Variants in SFTPB observed in about 807,000 individuals in gnomAD.
The protein encoded by SFTPB is surfactant protein B.
A neutral mutation model predicts 51.0 loss-of-function variants in SFTPB; 32 were observed. That is an observed-to-expected ratio of 0.63 (90% confidence interval 0.47 to 0.84). SFTPB has a LOEUF of 0.84. Ranked by LOEUF, SFTPB falls within the 40% of genes least tolerant of loss-of-function variation. SFTPB has a pLI of 0.00. For missense variants in SFTPB, 431 were observed against 491.2 expected (o/e 0.88, Z 1.16); for synonymous variants, 211 against 208.5 (o/e 1.01, Z -0.10).
At chr2:85,664,928 T>C (rs1448193660) in intron 6 of SFTPB, among the ~76,000 whole-genome samples, 1 of 152,238 alleles carries the variant, frequency 6.6e-6, no homozygotes, top group Non-Finnish European at 1.5e-5. Context: ...AATTCCCCTC[T>C]TGAAAGATCA....
intron 10 of SFTPB, among the ~76,000 whole-genome samples, chr2:85,660,725 G>T (rs1677252307): frequency 1.3e-5 from 2 of 152,206 alleles, no homozygotes; most frequent in Non-Finnish European, 2.9e-5. Flanking sequence ...AAAGTGCTGG[G>T]ATTACCGGCG....
chr2:85,663,554 G>C, intron 7 of SFTPB, 63 bp from the exon 8 acceptor site: 1 of 1,602,194 alleles, frequency 6.2e-7, no homozygotes, highest in South Asian at 1.1e-5. Flanking sequence ...TTTGGTTTCT[G>C]TCCTCCTTGG....
rs1164710687 is a variant in SFTPB at position 85,657,460 on chromosome 2, C to G, written c.*2242G>C. 6.6e-6 allele frequency: 1 copy of G among 152,132 alleles called. No homozygotes were observed. Among genetic ancestry groups the G allele is most frequent in the Non-Finnish European group, 1.5e-5 (1 of 68,026 alleles). The allele number at this position is 152,132 out of a possible 1,614,324, so 9.4% of individuals were successfully genotyped here. The stretch of plus-strand genomic sequence containing the variant: ...AAATGTCTACTTAAAATCCAGGAGC[C>G]AATGAATTGTGTGTCTCATCCCCAG... On this transcript the variant is annotated 3_prime_UTR_variant, in exon 11 of 11. Transcript: ENST00000519937.
rs780787602 is a variant in SFTPB, at chr2:85,663,464, C to T, written c.884G>A (p.Arg295Gln). The T allele has an allele frequency of 1.4e-5, 23 of 1,613,742 alleles. No homozygotes were observed. The highest frequency in any genetic ancestry group is 2.7e-5 in the African/African-American group (2 of 74,900). Residue 295 changes from arginine (R) to glutamine (Q), a missense_variant, in exon 8 of 11, where the codon CGA becomes CAA. Arg to Gln is a conservative substitution (Grantham distance 43). Coordinates refer to ENST00000519937, the MANE Select transcript of SFTPB (RefSeq NM_000542.5). Reference protein sequence around the residue: ...PRSPTGEWLPRDSECHLCMSV... With the variant: ...PRSPTGEWLPQDSECHLCMSV... ...CATGCAGAGGTGGCACTCAGAGTCT[C>T]GCGGCAGCCATTCTCCTGTCGGCGA...
chr2:85,666,376 C>T (rs115238339), intron 4 of SFTPB, among the ~76,000 whole-genome samples: 1,071 of 100,332 alleles, frequency 0.011, 15 homozygotes, highest in African/African-American at 0.043. Flanking sequence ...TGTGTGTGTC[C>T]GGCCAGCTGG....
intron 2 of SFTPB, 61 bp from the exon 3 acceptor site, chr2:85,667,238 TG>T: frequency 1.6e-6 from 2 of 1,280,772 alleles, no homozygotes; most frequent in South Asian, 2.4e-5. Context: ...CCAGCTCCAA[TG>T]GGGAGGTTCT....
At position 85,663,731 on chromosome 2, in the gene SFTPB, G is replaced by A; in HGVS notation, c.789C>T (p.Gly263=). The A allele has an allele frequency of 1.2e-6, 2 of 1,611,382 alleles. No individual in the cohort carries two copies. The highest frequency in any genetic ancestry group is 1.7e-6 in the Non-Finnish European group (2 of 1,179,120). ...GGCAGACCAGCTGGGGCAGCATGCGGCCCAGCAGCGTGTCGAGCAGGATGA... is the reference window on the plus strand; with the variant it reads ...GGCAGACCAGCTGGGGCAGCATGCGACCCAGCAGCGTGTCGAGCAGGATGA... ...YSVILLDTLL[G]RMLPQLVCRL... is the part of the protein sequence containing the mutation. The change falls in exon 7 of 11, where the codon GGC becomes GGT. Residue 263 remains glycine (G), a synonymous_variant. Coordinates refer to ENST00000519937, the MANE Select transcript of SFTPB (RefSeq NM_000542.5).
intron 6 of SFTPB, among the ~76,000 whole-genome samples, chr2:85,664,798 C>T (rs1677490108): frequency 6.6e-6 from 1 of 152,230 alleles, no homozygotes; most frequent in Non-Finnish European, 1.5e-5. Flanking sequence ...GGCCTTTCCT[C>T]ATTTGGGCCC....
At chr2:85,662,311 G>A in intron 8 of SFTPB, 1 of 1,433,690 alleles carries the variant, frequency 7.0e-7, no homozygotes, top group Non-Finnish European at 9.2e-7. Flanking sequence ...AGAAAAGCAG[G>A]CGACACTGGA....
intron 10 of SFTPB, among the ~76,000 whole-genome samples, chr2:85,660,530 A>T (rs758798807): frequency 5.5e-5 from 8 of 146,174 alleles, no homozygotes; most frequent in Non-Finnish European, 1.0e-4. Context: ...GCACACCGCA[A>T]CCTTCGCCTC....
chr2:85,662,611 C>T (rs997731894), intron 8 of SFTPB, among the ~76,000 whole-genome samples: 4 of 152,068 alleles, frequency 2.6e-5, no homozygotes, highest in Non-Finnish European at 5.9e-5. Flanking sequence ...GAGGCCAAGG[C>T]GGGCAGATCA....
At position 85,658,161 on chromosome 2, in the gene SFTPB, C is replaced by T. The variant is rs1488425360; in HGVS notation, c.*1541G>A. On this transcript the variant is annotated 3_prime_UTR_variant, in exon 11 of 11. Coordinates refer to ENST00000519937, the MANE Select transcript of SFTPB (RefSeq NM_000542.5). Reference sequence around the variant, plus strand: ...GAGGCCTGACAGTGGGTAATTTCCACTCTCTTTGTCTGTAGTTTCTGAATT... The same window carrying T: ...GAGGCCTGACAGTGGGTAATTTCCATTCTCTTTGTCTGTAGTTTCTGAATT... 3 of 152,544 alleles carry T rather than the reference C, an allele frequency of 2.0e-5. No homozygotes were observed. Among genetic ancestry groups the T allele is most frequent in the African/African-American group, 4.8e-5 (2 of 41,462 alleles). 9.4% of individuals were successfully genotyped at this position (152,544 alleles called of 1,614,324 possible).
At chr2:85,663,946 A>T in intron 6 of SFTPB, 99 bp from the exon 7 acceptor site, 1 of 1,141,498 alleles carries the variant, frequency 8.8e-7, no homozygotes, top group East Asian at 2.6e-5. Context: ...GCATTCCCTC[A>T]TTCTCTTCTA....
intron 6 of SFTPB, among the ~76,000 whole-genome samples, chr2:85,664,422 C>A (rs995335882): frequency 6.6e-6 from 1 of 152,136 alleles, no homozygotes; most frequent in Non-Finnish European, 1.5e-5. Flanking sequence ...TCAGCTCCGT[C>A]CCTGTCCCAT....
At chr2:85,666,274 GGTAT>G (rs1677598475) in intron 4 of SFTPB, among the ~76,000 whole-genome samples, 1 of 110,492 alleles carries the variant, frequency 9.1e-6, no homozygotes, top group Admixed American at 1.0e-4. Flanking sequence ...GTACTGTGTG[GGTAT>G]GTGTCTGGAT....
chr2:85,661,387 G>A, intron 10 of SFTPB, 67 bp downstream of exon 10: 1 of 1,127,188 alleles, frequency 8.9e-7, no homozygotes, highest in Non-Finnish European at 1.3e-6. Flanking sequence ...GGAGCAGAAG[G>A]GCCTCCCATG....
At chr2:85,667,208 C>T (rs545536477) in intron 2 of SFTPB, 31 bp from the exon 3 acceptor site, 9 of 1,533,006 alleles carry the variant, frequency 5.9e-6, no homozygotes, top group African/African-American at 1.4e-5. Context: ...AGGTGGAGGA[C>T]ACATGAGTGG....
rs1477633283 is a variant in SFTPB, at chr2:85,658,733, A to G, written c.*969T>C. 1.3e-5 allele frequency: 2 copies of G among 152,012 alleles called. No homozygotes were observed. The highest frequency in any genetic ancestry group is 2.9e-5 in the Non-Finnish European group (2 of 68,018). The allele number at this position is 152,012 out of a possible 1,614,324, so 9.4% of individuals were successfully genotyped here. ...GAAATGGGGTTTCACCATGTTGGCG[A>G]GGCTGGTCTCGAACTCCTGACCTCA... On this transcript the variant is annotated 3_prime_UTR_variant, in exon 11 of 11. Transcript: ENST00000519937.
chr2:85,665,603 C>T lies in SFTPB; in HGVS notation c.582+3G>A. 2.5e-6 allele frequency: 4 copies of T among 1,613,392 alleles called. No individual in the cohort carries two copies. The highest frequency in any genetic ancestry group is 3.4e-6 in the Non-Finnish European group (4 of 1,179,912). On this transcript the variant is annotated splice_donor_region_variant and intron_variant, in intron 5 of 10. Coordinates refer to ENST00000519937, the MANE Select transcript of SFTPB (RefSeq NM_000542.5). ...CTTTACTGGCTGTGGGGGCCTCCCT[C>T]ACCTGTGTGTGAGGCCCAGGCCTCG...
Sources: gnomAD v4.1 joint callset for allele counts (sites outside exome capture counted in the v4.1 genomes callset) on GRCh38, gnomAD v4.1.1 for gene constraint, MANE v1.5 for transcripts, NCBI Gene and HGNC (gene_info 2026-07-23, HGNC 2026-07-21) for gene names.